FAS: variants seen among roughly 807,000 people sequenced by gnomAD.
The protein encoded by FAS is tumor necrosis factor receptor superfamily member 6.
A neutral mutation model predicts 33.2 loss-of-function variants in FAS; 5 were observed. The ratio of observed to expected loss-of-function variants is 0.15; its 90% CI spans 0.08 to 0.32. FAS has a LOEUF of 0.32. FAS is among the 10% of genes least tolerant of loss of function. The pLI is 1.00. For synonymous variants in FAS, 131 were observed against 130.7 expected, an observed-to-expected ratio of 1.00 and a Z score of -0.01; for missense variants, 339 against 386.0, an observed-to-expected ratio of 0.88 and a Z score of 1.02.
At chr10:89,014,031 G>T in intron 8 of FAS, 88 bp from the exon 9 acceptor site, 1 of 1,339,786 alleles carries the variant, frequency 7.5e-7, no homozygotes, top group East Asian at 2.3e-5. Context: ...ATATTCTGAA[G>T]TACTATAAAA....
intron 1 of FAS, chr10:88,991,299 C>A (rs1402056801): frequency 5.1e-6 from 2 of 394,390 alleles, no homozygotes; most frequent in Non-Finnish European, 9.6e-6. Context: ...GAGAGAGGAG[C>A]GGAACTCCTG....
chr10:88,966,120 G>A (rs1846314061), intron 1 of FAS, among the ~76,000 whole-genome samples: 1 of 152,158 alleles, frequency 6.6e-6, no homozygotes, highest in African/African-American at 2.4e-5. Flanking sequence ...TTTCTGGCAT[G>A]GGGCCTAGAG....
At chr10:88,979,617 T>A (rs929724299) in intron 2 of FAS, among the ~76,000 whole-genome samples, 5 of 152,178 alleles carry the variant, frequency 3.3e-5, no homozygotes, top group African/African-American at 1.2e-4. Context: ...GATGACTTTT[T>A]TTTTTTAACA....
Position 89,016,971 on chromosome 10 carries a change from A to G in FAS, c.*2521A>G, listed in dbSNP as rs1321462926. On this transcript the variant is annotated 3_prime_UTR_variant, in exon 9 of 9. Coordinates refer to ENST00000652046, the MANE Select transcript of FAS (RefSeq NM_000043.6). ...GAATTTTTTTCTATGCTTACTCCTG[A>G]TTGGTAATTTGTTTGGGTTTAGAAT... is the stretch of plus-strand genomic sequence containing the variant. 2 of 183,960 alleles carry G rather than the reference A, an allele frequency of 1.1e-5. No homozygotes were observed. Among genetic ancestry groups the G allele is most frequent in the Non-Finnish European group, 2.3e-5 (2 of 86,644 alleles). The allele number at this position is 183,960 out of a possible 1,614,324, so 11.4% of individuals were successfully genotyped here.
chr10:88,968,540 T>C (rs1846364223), intron 1 of FAS, among the ~76,000 whole-genome samples: 1 of 152,186 alleles, frequency 6.6e-6, no homozygotes, highest in South Asian at 2.1e-4. Flanking sequence ...CACACATGTT[T>C]GTCGGTAGAG....
chr10:88,983,574 G>A (rs1004603010), upstream of FAS, among the ~76,000 whole-genome samples: 4 of 112,264 alleles, frequency 3.6e-5, no homozygotes, highest in Non-Finnish European at 6.6e-5. Flanking sequence ...TACTTTACAG[G>A]GAGTTGTAAG....
At chr10:89,007,604 T>G in intron 2 of FAS, 96 bp from the exon 3 acceptor site, 5 of 1,462,666 alleles carry the variant, frequency 3.4e-6, no homozygotes, top group Non-Finnish European at 3.7e-6. Context: ...CCCTTGTGTT[T>G]TAGAAGAGTT....
At chr10:88,987,649 C>T (rs1846943760), upstream of FAS, among the ~76,000 whole-genome samples, 1 of 152,236 alleles carries the variant, frequency 6.6e-6, no homozygotes, top group African/African-American at 2.4e-5. Context: ...AAAATCTACT[C>T]CAACTGAATG....
chr10:88,989,643 T>C, upstream of FAS: 1 of 505,358 alleles, frequency 2.0e-6, no homozygotes, highest in South Asian at 1.5e-5. Flanking sequence ...TAACCTAACC[T>C]AGATTTGAGG....
At chr10:89,002,955 G>T in intron 1 of FAS, 74 bp from the exon 2 acceptor site, 1 of 1,556,708 alleles carries the variant, frequency 6.4e-7, no homozygotes. Flanking sequence ...GCCAATTTTG[G>T]GTGGGTTACA....
At chr10:89,012,243 T>A in intron 7 of FAS, 162 bp downstream of exon 7, 1 of 624,264 alleles carries the variant, frequency 1.6e-6, no homozygotes, top group South Asian at 1.8e-5. Context: ...AGGGGTGCAA[T>A]CATGGCTCAC....
chr10:88,979,339 G>A (rs1045301617), intron 2 of FAS, among the ~76,000 whole-genome samples: 1 of 152,138 alleles, frequency 6.6e-6, no homozygotes, highest in Non-Finnish European at 1.5e-5. Flanking sequence ...CTCCTAGGAA[G>A]GGAAGACTTG....
upstream of FAS, among the ~76,000 whole-genome samples, chr10:88,988,216 A>G (rs576829046): frequency 2.1e-4 from 32 of 152,336 alleles, no homozygotes; most frequent in African/African-American, 7.7e-4. Flanking sequence ...AGTTTTTCTA[A>G]AGACAACTTG....
At chr10:89,014,053 C>T (rs1353684896) in intron 8 of FAS, 66 bp from the exon 9 acceptor site, 2 of 1,499,976 alleles carry the variant, frequency 1.3e-6, no homozygotes, top group East Asian at 2.3e-5. Context: ...GAGAAATAAA[C>T]ATGGTTTTCA....
At chr10:88,983,076 A>G (rs1355564936), upstream of FAS, among the ~76,000 whole-genome samples, 4 of 152,200 alleles carry the variant, frequency 2.6e-5, no homozygotes, top group Non-Finnish European at 4.4e-5. Context: ...AATAATATTG[A>G]CAGGTAGTTT....
At chr10:88,976,436 T>G (rs544212340) in intron 2 of FAS, among the ~76,000 whole-genome samples, 1 of 152,338 alleles carries the variant, frequency 6.6e-6, no homozygotes, top group Admixed American at 6.5e-5. Context: ...GGAAAATATA[T>G]TGGTTCATTA....
At position 88,973,095 on chromosome 10, in the gene FAS, C is replaced by T. The variant is rs993616245; in HGVS notation, n.95-87C>T. On this transcript the variant is annotated intron_variant and non_coding_transcript_variant, in intron 1 of 3. Transcript: ENST00000688239. ...TTAGTCTTTCAAAAAATAATTTTAA[C>T]TTCTATGTTTTATTTTTCTATTTTA... 7.2e-6 allele frequency: 10 copies of T among 1,398,506 alleles called. No homozygotes were observed. In the African/African-American group the frequency reaches 1.5e-4, roughly 20 times the overall value. The allele number at this position is 1,398,506 out of a possible 1,614,324, so 86.6% of individuals were successfully genotyped here.
chr10:88,981,382 A>G (rs1846706893), intron 2 of FAS, among the ~76,000 whole-genome samples: 1 of 94,268 alleles, frequency 1.1e-5, no homozygotes, highest in African/African-American at 4.8e-5. Flanking sequence ...GAGAGAAATG[A>G]CTTTTTTTTT....
At chr10:88,987,432 A>T (rs1846935315), upstream of FAS, among the ~76,000 whole-genome samples, 1 of 152,220 alleles carries the variant, frequency 6.6e-6, no homozygotes, top group South Asian at 2.1e-4. Flanking sequence ...TGCATCCAGA[A>T]CTTGGATAGC....
Sources: gnomAD v4.1 joint callset for allele counts (sites outside exome capture counted in the v4.1 genomes callset) on GRCh38, gnomAD v4.1.1 for gene constraint, MANE v1.5 for transcripts, NCBI Gene and HGNC (gene_info 2026-07-23, HGNC 2026-07-21) for gene names.